Variants in DCTN2 observed in about 807,000 individuals in gnomAD.
DCTN2 encodes the protein dynactin subunit 2.
Under a neutral mutation model 55.4 loss-of-function variants are expected in DCTN2, and 18 were observed. The ratio of observed to expected loss-of-function variants is 0.32; its 90% confidence interval spans 0.22 to 0.48. The LOEUF is 0.48. DCTN2 is among the 20% of genes least tolerant of loss of function. DCTN2 has a pLI of 0.99. For synonymous variants in DCTN2, 168 were observed against 185.2 expected (o/e 0.91, Z 0.76); for missense variants, 390 against 491.0 (o/e 0.79, Z 1.94).
chr12:57,530,689 T>G lies in DCTN2; in HGVS notation c.1206A>C (p.Ter402CysextTer15). 6.2e-7 allele frequency: 1 copy of G among 1,613,572 alleles called. No homozygotes were observed. Among genetic ancestry groups the G allele is most frequent in the Non-Finnish European group, 8.5e-7 (1 of 1,179,584 alleles). The change falls in exon 14 of 14, where the codon TGA becomes TGC. Residue 402 changes from the stop codon to cysteine, a stop_lost. Transcript: ENST00000548249. ...CCTGTTCTCCAGCTCCCAAATGTGC[T>G]CACTTTCCCAGCTTCTTCATCCGTT... is the stretch of plus-strand genomic sequence containing the variant. ...IDERMKKLGK[*>C]
At chr12:57,530,858 GAA>G in intron 13 of DCTN2, 83 bp from the exon 14 acceptor site, 1 of 1,204,570 alleles carries the variant, frequency 8.3e-7, no homozygotes, top group South Asian at 1.3e-5. Flanking sequence ...CTCTGAGAGA[GAA>G]GACAAGAAAT....
intron 9 of DCTN2, 27 bp from the exon 10 acceptor site, chr12:57,532,837 C>T (rs1277885504): frequency 1.9e-6 from 3 of 1,613,482 alleles, no homozygotes; most frequent in Non-Finnish European, 2.5e-6. Flanking sequence ...GGACAAGCAT[C>T]ATGAAGAGGA....
chr12:57,536,707 G>A (rs116043483), intron 2 of DCTN2, among the ~76,000 whole-genome samples: 59 of 152,238 alleles, frequency 3.9e-4, no homozygotes, highest in African/African-American at 1.3e-3. Flanking sequence ...AGAAACTGAA[G>A]CAGAGAGGTT....
chr12:57,534,282 G>A lies in DCTN2; in HGVS notation c.524+10C>T, dbSNP rs1880027721. On this transcript the variant is annotated intron_variant, in intron 6 of 13. Transcript: ENST00000548249. The stretch of plus-strand genomic sequence containing the variant: ...TCAGCAATGATTTTTCAACAAAGTA[G>A]GGTACCCACTTAGCCAGGGCGCCAT... The A allele has an allele frequency of 1.9e-6, 3 of 1,576,154 alleles. No homozygotes were observed. The highest frequency in any genetic ancestry group is 1.1e-5 in the South Asian group (1 of 87,168).
intron 2 of DCTN2, among the ~76,000 whole-genome samples, chr12:57,539,095 TC>T (rs1880484771): frequency 6.6e-6 from 1 of 152,170 alleles, no homozygotes; most frequent in South Asian, 2.1e-4. Flanking sequence ...ATGAGAGTGA[TC>T]AGGTAGGAAG....
At chr12:57,534,614 A>G (rs1247996323) in intron 5 of DCTN2, 162 bp from the exon 6 acceptor site, 2 of 609,616 alleles carry the variant, frequency 3.3e-6, no homozygotes, top group Non-Finnish European at 5.4e-6. Context: ...AGATGGATGC[A>G]TATTTGTAAA....
At chr12:57,539,195 G>A (rs1880493668) in intron 2 of DCTN2, among the ~76,000 whole-genome samples, 1 of 152,208 alleles carries the variant, frequency 6.6e-6, no homozygotes, top group Admixed American at 6.5e-5. Flanking sequence ...GTATAGCCCC[G>A]TTCTCATTTC....
chr12:57,542,789 A>C, intron 2 of DCTN2: 1 of 455,928 alleles, frequency 2.2e-6, no homozygotes, highest in South Asian at 1.5e-5. Context: ...ACTGCACTCC[A>C]GCCTGGGGGA....
chr12:57,534,233 G>A (rs1880023345), intron 6 of DCTN2, 59 bp downstream of exon 6: 3 of 1,533,962 alleles, frequency 2.0e-6, no homozygotes, highest in African/African-American at 1.4e-5. Flanking sequence ...GTCAGTAGCT[G>A]GCTGAGTCCA....
At position 57,530,604 on chromosome 12, in the gene DCTN2, T is replaced by TA; in HGVS notation, c.*84dup. The TA allele has an allele frequency of 8.3e-7, 1 of 1,209,392 alleles. No homozygotes were observed. The highest frequency in any genetic ancestry group is 1.2e-6 in the Non-Finnish European group (1 of 837,756). 74.9% of individuals were successfully genotyped at this position (1,209,392 alleles called of 1,614,324 possible). A position where few individuals can be genotyped will look rare whatever the true frequency, so the allele number is the denominator to read the frequency against. On this transcript the variant is annotated 3_prime_UTR_variant, in exon 14 of 14. Coordinates refer to ENST00000548249, the MANE Select transcript of DCTN2 (RefSeq NM_001261413.2). Reference sequence around the variant, plus strand: ...TCAAATGGGATGGGGATGCTAGAGTTATAGTAAAGGGGAAACCCTATGTAA... The same window carrying TA: ...TCAAATGGGATGGGGATGCTAGAGTTAATAGTAAAGGGGAAACCCTATGTAA...
intron 2 of DCTN2, chr12:57,542,825 C>A (rs1880806736): frequency 2.2e-6 from 1 of 454,622 alleles, no homozygotes; most frequent in Non-Finnish European, 4.4e-6. Context: ...TCTCAAAAAC[C>A]AAAAAGAAAT....
Position 57,533,012 on chromosome 12 carries a change from G to A in DCTN2, c.746C>T (p.Ser249Phe), listed in dbSNP as rs1443593282. 1.1e-5 allele frequency: 17 copies of A among 1,601,754 alleles called. No individual in the cohort carries two copies. Among genetic ancestry groups the A allele is most frequent in the Non-Finnish European group, 1.4e-5 (17 of 1,174,546 alleles). ...GAGACAGGCTCCCTGTAGACCTGCAGAAAGGGGATTCTGGTGGGAAAGGAA... is the reference window on the plus strand; with the variant it reads ...GAGACAGGCTCCCTGTAGACCTGCAAAAAGGGGATTCTGGTGGGAAAGGAA... ...RCDQDAQNPL[S>F]AGLQGACLME... The change falls in exon 9 of 14, where the codon TCT becomes TTT. Residue 249 changes from serine (S) to phenylalanine (F), a missense_variant. Physicochemically the swap from Ser to Phe is radical, Grantham distance 155 (BLOSUM62 -2). Transcript: ENST00000548249.
intron 4 of DCTN2, 123 bp downstream of exon 4, chr12:57,535,361 G>T: frequency 1.5e-6 from 2 of 1,310,564 alleles, no homozygotes; most frequent in South Asian, 1.3e-5. Context: ...GCTGCATCCT[G>T]CTGCTTCCTC....
At chr12:57,545,918 C>G in intron 2 of DCTN2, 110 bp downstream of exon 2, 1 of 1,107,132 alleles carries the variant, frequency 9.0e-7, no homozygotes, top group South Asian at 1.4e-5. Flanking sequence ...ACCACCCAGG[C>G]TGGGGTTGGC....
In DCTN2 at chr12:57,535,046, T is replaced by C. The variant is rs770194629; in HGVS notation, c.363+10A>G. On this transcript the variant is annotated intron_variant, in intron 5 of 13. Coordinates refer to ENST00000548249, the MANE Select transcript of DCTN2 (RefSeq NM_001261413.2). Reference sequence around the variant, plus strand: ...CACAGCAGAGAAGGGAGAAGAGAGTTTGTAGTTACCTTGATTTTTTCAACT... The same window carrying C: ...CACAGCAGAGAAGGGAGAAGAGAGTCTGTAGTTACCTTGATTTTTTCAACT... 11 of 1,606,088 alleles carry C rather than the reference T, an allele frequency of 6.8e-6. No homozygotes were observed. In the South Asian group the frequency reaches 1.2e-4, roughly 18 times the overall value.
rs766046230 is a variant in DCTN2, at chr12:57,530,715, C to T, written c.1180G>A (p.Glu394Lys). The T allele has an allele frequency of 5.6e-6, 9 of 1,613,832 alleles. No homozygotes were observed. Among genetic ancestry groups the T allele is most frequent in the Non-Finnish European group, 7.6e-6 (9 of 1,179,844 alleles). The change falls in exon 14 of 14, where the codon GAA (glutamate) becomes AAA (lysine). Residue 394 changes from glutamate to lysine, a missense_variant. Physicochemically the swap from Glu to Lys is moderately conservative, Grantham distance 56. This residue lies in a region of DCTN2 where 273 missense variants were observed against 303.2 expected (regional missense o/e 0.90). Coordinates refer to ENST00000548249, the MANE Select transcript of DCTN2 (RefSeq NM_001261413.2). ...CACTTTCCCAGCTTCTTCATCCGTT[C>T]ATCAATGCTGGCAAAGTTCCCCTCA... is the stretch of plus-strand genomic sequence containing the variant. ...TVEGNFASID[E>K]RMKKLGK
At position 57,538,443 on chromosome 12, in the gene DCTN2, A is replaced by C. The variant is rs1393212196; in HGVS notation, c.106-2598T>G. The C allele has an allele frequency of 4.1e-6, 3 of 734,782 alleles. No homozygotes were observed. In the South Asian group the frequency reaches 4.3e-5, roughly 11 times the overall value. The allele number at this position is 734,782 out of a possible 1,614,324, so 45.5% of individuals were successfully genotyped here. On this transcript the variant is annotated intron_variant, in intron 2 of 13. Transcript: ENST00000548249. The stretch of plus-strand genomic sequence containing the variant: ...AATAGATGAATGAAAGATTTAGTAG[A>C]GTCTAAAGGACAGAGAAACAACTGC...
intron 13 of DCTN2, among the ~76,000 whole-genome samples, 171 bp from the exon 14 acceptor site, chr12:57,530,946 C>G (rs1879638976): frequency 6.6e-6 from 1 of 152,200 alleles, no homozygotes; most frequent in Non-Finnish European, 1.5e-5. Flanking sequence ...AGTACATAGA[C>G]CACGCTTGGG....
chr12:57,534,881 G>C (rs1291326802), intron 5 of DCTN2, 175 bp downstream of exon 5: 1 of 536,078 alleles, frequency 1.9e-6, no homozygotes, highest in East Asian at 3.4e-5. Flanking sequence ...TGTTGGCCTG[G>C]CTGGTCTTGA....
Sources: gnomAD v4.1 joint callset for allele counts (sites outside exome capture counted in the v4.1 genomes callset) on GRCh38, gnomAD v4.1.1 for gene constraint, gnomAD v4.1.1 regional missense constraint, MANE v1.5 for transcripts, NCBI Gene and HGNC (gene_info 2026-07-23, HGNC 2026-07-21) for gene names.